Variants in MPP3 observed in about 807,000 individuals in gnomAD.
The protein encoded by MPP3 is MAGUK p55 subfamily member 3.
In MPP3, 48 loss-of-function variants were observed where a neutral mutation model predicts 80.7. That is an observed-to-expected ratio of 0.59 (90% CI 0.47 to 0.76). The LOEUF (loss-of-function observed/expected upper bound fraction) is 0.76, where lower values mean the gene tolerates loss of function less well. MPP3 is among the 30% of genes least tolerant of loss of function. The probability of loss-of-function intolerance (pLI) is 0.00; values close to 1 mark genes in which losing one functional copy is unlikely to be tolerated. For synonymous variants in MPP3, 311 were observed against 297.6 expected (o/e 1.04, Z -0.46); for missense variants, 620 against 763.0 (o/e 0.81, Z 2.21).
In MPP3 at chr17:43,801,488, G is replaced by A. The variant is rs1217085135; in HGVS notation, c.*213C>T. ...AATGAAATGTGTTGTTTTCTGATATGCCCCTTTCAAATCATGATCCAAAGA... is the reference window on the plus strand; with the variant it reads ...AATGAAATGTGTTGTTTTCTGATATACCCCTTTCAAATCATGATCCAAAGA... On this transcript the variant is annotated 3_prime_UTR_variant, in exon 20 of 20. Coordinates refer to ENST00000398389, the MANE Select transcript of MPP3 (RefSeq NM_001932.6). 3.7e-6 allele frequency: 2 copies of A among 543,530 alleles called. No homozygotes were observed. Among genetic ancestry groups the A allele is most frequent in the Non-Finnish European group, 6.5e-6 (2 of 309,176 alleles). The allele number at this position is 543,530 out of a possible 1,614,324, so 33.7% of individuals were successfully genotyped here. A position where few individuals can be genotyped will look rare whatever the true frequency, so the allele number is the denominator to read the frequency against.
intron 14 of MPP3, chr17:43,815,643 A>G (rs2045082142): frequency 3.1e-5 from 10 of 326,408 alleles, no homozygotes; most frequent in Admixed American, 2.4e-4. Context: ...CTTTTTGCCT[A>G]TCTCTAAGAC....
At chr17:43,807,162 G>A (rs1008764750) in intron 19 of MPP3, among the ~76,000 whole-genome samples, 15 of 150,602 alleles carry the variant, frequency 1.0e-4, no homozygotes, top group Admixed American at 5.3e-4. Context: ...AGTATGAGAC[G>A]GGGTTTCACC....
chr17:43,810,912 G>T lies in MPP3; in HGVS notation c.1353C>A (p.Phe451Leu). The T allele has an allele frequency of 6.2e-7, 1 of 1,602,162 alleles. No homozygotes were observed. Among genetic ancestry groups the T allele is most frequent in the South Asian group, 1.1e-5 (1 of 88,340 alleles). Reference sequence around the variant, plus strand: ...TTTCCTTATATTCACCATGTTCCAGGAACCTAAAACACCACCAAAGGGGAA... The same window carrying T: ...TTTCCTTATATTCACCATGTTCCAGTAACCTAAAACACCACCAAAGGGGAA... ...AFEADLHHNK[F>L]LEHGEYKENL... Residue 451 changes from phenylalanine to leucine, a missense_variant, in exon 18 of 20, where the codon TTC becomes TTA. By Grantham distance (22) the Phe-to-Leu change is conservative. Coordinates refer to ENST00000398389, the MANE Select transcript of MPP3 (RefSeq NM_001932.6).
At chr17:43,832,581 G>A (rs2046019713) in intron 2 of MPP3, among the ~76,000 whole-genome samples, 180 bp downstream of exon 2, 1 of 152,206 alleles carries the variant, frequency 6.6e-6, no homozygotes, top group Admixed American at 6.5e-5. Context: ...GTGCTCTGCA[G>A]CACGTGGACC....
At chr17:43,825,694 G>A in intron 9 of MPP3, 62 bp downstream of exon 9, 3 of 1,129,806 alleles carry the variant, frequency 2.7e-6, no homozygotes, top group Non-Finnish European at 4.1e-6. Flanking sequence ...CTGGCTCCAG[G>A]AAGTGCCTTG....
Position 43,818,077 on chromosome 17 carries a change from C to G in MPP3, c.915G>C (p.Leu305=), listed in dbSNP as rs763431922. 3 of 1,575,996 alleles carry G rather than the reference C, an allele frequency of 1.9e-6. No homozygotes were observed. In the African/African-American group the frequency reaches 4.1e-5, roughly 22 times the overall value. ...GCTTCCTGAGGCTCTGGGGGCTCGG[C>G]AGGGTGCCCGCGGCTCTCCGGTAGC... The part of the protein sequence containing the change: ...RLSYRRAAGT[L]PSPQSLRKPP... The change falls in exon 12 of 20, where the codon CTG becomes CTC. Residue 305 remains leucine, a synonymous_variant. Transcript: ENST00000398389.
At chr17:43,830,159 T>C (rs770099257) in intron 5 of MPP3, 52 bp from the exon 6 acceptor site, 12 of 1,362,434 alleles carry the variant, frequency 8.8e-6, no homozygotes, top group South Asian at 6.1e-5. Context: ...CCCTGCCCCA[T>C]ATCTGCTGGG....
chr17:43,801,591 G>T lies in MPP3; in HGVS notation c.*110C>A. The T allele has an allele frequency of 9.4e-7, 1 of 1,069,148 alleles. No individual in the cohort carries two copies. The allele number at this position is 1,069,148 out of a possible 1,614,324, so 66.2% of individuals were successfully genotyped here. ...TATACTCTTCTCGATGATGGAATTT[G>T]TGGAGAATTCTCTCCCTCTCTGCGC... On this transcript the variant is annotated 3_prime_UTR_variant, in exon 20 of 20. Transcript: ENST00000398389.
chr17:43,806,221 A>G (rs2044608514), intron 19 of MPP3, among the ~76,000 whole-genome samples: 1 of 152,174 alleles, frequency 6.6e-6, no homozygotes, highest in African/African-American at 2.4e-5. Flanking sequence ...GCTGAAGTAC[A>G]GTGGTGCAAT....
chr17:43,806,462 G>A (rs1361514799), intron 19 of MPP3, among the ~76,000 whole-genome samples: 4 of 149,866 alleles, frequency 2.7e-5, no homozygotes, highest in South Asian at 2.1e-4. Flanking sequence ...CACCACTCCC[G>A]GCCCCAACAT....
Position 43,810,882 on chromosome 17 carries a change from C to G in MPP3, c.1383G>C (p.Leu461=), listed in dbSNP as rs1208377623. Reference sequence around the variant, plus strand: ...GAATGGCCTCCAGGCTGGTTCCATACAGATTTTCCTTATATTCACCATGTT... The same window carrying G: ...GAATGGCCTCCAGGCTGGTTCCATAGAGATTTTCCTTATATTCACCATGTT... ...FLEHGEYKEN[L]YGTSLEAIQA... The change falls in exon 18 of 20, where the codon CTG becomes CTC. Residue 461 remains leucine (L), a synonymous_variant. Coordinates refer to ENST00000398389, the MANE Select transcript of MPP3 (RefSeq NM_001932.6). 6.2e-7 allele frequency: 1 copy of G among 1,609,626 alleles called. No homozygotes were observed. The highest frequency in any genetic ancestry group is 1.3e-5 in the African/African-American group (1 of 74,658).
At chr17:43,820,752 C>A (rs975176264) in intron 11 of MPP3, 110 bp downstream of exon 11, 6 of 976,226 alleles carry the variant, frequency 6.1e-6, no homozygotes, top group Non-Finnish European at 9.2e-6. Context: ...CTTGGGGGAA[C>A]AATGCTCAGC....
intron 9 of MPP3, among the ~76,000 whole-genome samples, chr17:43,824,635 C>T (rs560136091): frequency 2.0e-5 from 3 of 152,264 alleles, no homozygotes; most frequent in African/African-American, 7.2e-5. Flanking sequence ...CTGGCCTCTC[C>T]ACTACCCAGA....
intron 11 of MPP3, among the ~76,000 whole-genome samples, chr17:43,818,468 G>A (rs552832097): frequency 2.4e-4 from 37 of 152,254 alleles, no homozygotes; most frequent in African/African-American, 7.5e-4. Context: ...CATCTCTGAG[G>A]GAGCTGAGAA....
chr17:43,816,727 A>T, intron 12 of MPP3, 30 bp from the exon 13 acceptor site: 5 of 1,567,374 alleles, frequency 3.2e-6, no homozygotes, highest in Non-Finnish European at 4.3e-6. Flanking sequence ...CAGATGGAAC[A>T]GCATTAGTGG....
intron 8 of MPP3, 100 bp from the exon 9 acceptor site, chr17:43,825,941 G>A: frequency 1.4e-6 from 1 of 740,108 alleles, no homozygotes; most frequent in South Asian, 1.5e-5. Flanking sequence ...GAAGCCCACT[G>A]CAGGGCCAAC....
intron 11 of MPP3, 59 bp downstream of exon 11, chr17:43,820,803 C>A: frequency 6.5e-7 from 1 of 1,541,110 alleles, no homozygotes; most frequent in South Asian, 1.2e-5. Flanking sequence ...GGGGGTCTGC[C>A]ATGTACCTGT....
intron 14 of MPP3, among the ~76,000 whole-genome samples, chr17:43,815,563 A>G (rs935123681): frequency 4.6e-5 from 7 of 152,064 alleles, no homozygotes; most frequent in African/African-American, 1.7e-4. Flanking sequence ...AATGTCACAC[A>G]CTACTGCACT....
chr17:43,818,415 A>G (rs572153971), intron 11 of MPP3, among the ~76,000 whole-genome samples: 183 of 152,222 alleles, frequency 1.2e-3, no homozygotes, highest in Non-Finnish European at 1.5e-3. Context: ...CCTATGGCCA[A>G]TTTCTAAGGA....
Sources: allele counts gnomAD v4.1 joint callset (sites outside exome capture counted in the v4.1 genomes callset), GRCh38; gene constraint gnomAD v4.1.1; transcripts MANE v1.5; gene names NCBI Gene and HGNC (gene_info 2026-07-23, HGNC 2026-07-21).